Variants in CREB3 observed in about 807,000 individuals in gnomAD.
The protein encoded by CREB3 is cAMP responsive element binding protein 3.
A neutral mutation model predicts 34.5 loss-of-function variants in CREB3; 29 were observed. The ratio of observed to expected loss-of-function variants is 0.84; its 90% CI spans 0.63 to 1.15. The LOEUF is 1.15. Ranked by LOEUF, CREB3 falls within the 50% of genes most tolerant of loss-of-function variation. CREB3 has a pLI of 0.00. For missense variants in CREB3, 447 were observed against 443.4 expected (o/e 1.01, Z -0.07); for synonymous variants, 187 against 173.9 (o/e 1.08, Z -0.59).
chr9:35,734,176 G>C (rs1044323967), intron 4 of CREB3, among the ~76,000 whole-genome samples: 1 of 151,850 alleles, frequency 6.6e-6, no homozygotes, highest in Non-Finnish European at 1.5e-5. Flanking sequence ...ATGGGGTTTT[G>C]CCTTGTTGCC....
rs1294634881 is a variant in CREB3 at position 35,733,500 on chromosome 9, G to A, written c.435+15G>A. On this transcript the variant is annotated intron_variant, in intron 4 of 8. Coordinates refer to ENST00000353704, the MANE Select transcript of CREB3 (RefSeq NM_006368.5). ...CTCTCACTAAGGTAAGACTCTCATT[G>A]GTTGAACAAAGGCTGAAAAGGGATT... The A allele has an allele frequency of 1.3e-6, 2 of 1,590,294 alleles. No individual in the cohort carries two copies. Among genetic ancestry groups the A allele is most frequent in the African/African-American group, 2.7e-5 (2 of 74,390 alleles).
Position 35,736,785 on chromosome 9 carries a change from A to T in CREB3, c.*59A>T. The T allele has an allele frequency of 6.7e-7, 1 of 1,491,934 alleles. No homozygotes were observed. The highest frequency in any genetic ancestry group is 9.1e-7 in the Non-Finnish European group (1 of 1,104,248). 92.4% of individuals were successfully genotyped at this position (1,491,934 alleles called of 1,614,324 possible). On this transcript the variant is annotated 3_prime_UTR_variant, in exon 9 of 9. Transcript: ENST00000353704. ...CTGGGGGGCTCCCCATCTGTGTCCAAATAAAAAGCGGTGGGCAAGGGCTGG... is the reference window on the plus strand; with the variant it reads ...CTGGGGGGCTCCCCATCTGTGTCCATATAAAAAGCGGTGGGCAAGGGCTGG...
chr9:35,736,845 G>A lies in CREB3; in HGVS notation c.*119G>A. Reference sequence around the variant, plus strand: ...CTGTGCCCTGTCAGGACGACTGAGGGCTCAAACACACCACACTTAATGGCT... The same window carrying A: ...CTGTGCCCTGTCAGGACGACTGAGGACTCAAACACACCACACTTAATGGCT... On this transcript the variant is annotated 3_prime_UTR_variant, in exon 9 of 9. Coordinates refer to ENST00000353704, the MANE Select transcript of CREB3 (RefSeq NM_006368.5). 1.1e-6 allele frequency: 1 copy of A among 940,812 alleles called. No homozygotes were observed. Among genetic ancestry groups the A allele is most frequent in the Admixed American group, 2.4e-5 (1 of 42,218 alleles). 58.3% of individuals were successfully genotyped at this position (940,812 alleles called of 1,614,324 possible). A position where few individuals can be genotyped will look rare whatever the true frequency, so the allele number is the denominator to read the frequency against.
chr9:35,735,077 CTAA>C (rs1200881776), intron 4 of CREB3, 29 bp from the exon 5 acceptor site: 6 of 1,562,552 alleles, frequency 3.8e-6, no homozygotes, highest in Non-Finnish European at 5.2e-6. Flanking sequence ...TAGAGTTCCT[CTAA>C]TGATATCCCT....
chr9:35,736,675 G>T lies in CREB3; in HGVS notation c.1065G>T (p.Trp355Cys). The change falls in exon 9 of 9, where the codon TGG (tryptophan) becomes TGT (cysteine). Residue 355 changes from tryptophan to cysteine, a missense_variant. Physicochemically the swap from Trp to Cys is radical, Grantham distance 215 (BLOSUM62 -2). Transcript: ENST00000353704. ...LQANLTRKGG[W>C]LPTGSPSVIL... Reference sequence around the variant, plus strand: ...CAAATCTCACAAGGAAGGGAGGATGGCTTCCTACTGGTAGCCCCTCTGTCA... The same window carrying T: ...CAAATCTCACAAGGAAGGGAGGATGTCTTCCTACTGGTAGCCCCTCTGTCA... 1 of 1,612,422 alleles carries T rather than the reference G, an allele frequency of 6.2e-7. No homozygotes were observed.
At chr9:35,734,154 T>C (rs1826151346) in intron 4 of CREB3, among the ~76,000 whole-genome samples, 1 of 152,076 alleles carries the variant, frequency 6.6e-6, no homozygotes, top group African/African-American at 2.4e-5. Context: ...TTTTTTGGTA[T>C]TTTTAGTAGA....
Position 35,733,458 on chromosome 9 carries a change from T to G in CREB3, c.408T>G (p.Ile136Met). ...EKSLLEKEGLILPETLPLTKT... is the reference protein window; with the variant it reads ...EKSLLEKEGLMLPETLPLTKT... ...GTCTATTGGAGAAGGAGGGGCTTAT[T>G]CTGCCTGAGACACTTCCTCTCACTA... The change falls in exon 4 of 9, where the codon ATT becomes ATG. Residue 136 changes from isoleucine (I) to methionine (M), a missense_variant. Ile to Met is a conservative substitution (Grantham distance 10, BLOSUM62 1). Transcript: ENST00000353704. 6.2e-7 allele frequency: 1 copy of G among 1,613,478 alleles called. No individual in the cohort carries two copies.
chr9:35,735,864 G>A (rs1295805426), intron 6 of CREB3, among the ~76,000 whole-genome samples, 184 bp from the exon 7 acceptor site: 2 of 152,152 alleles, frequency 1.3e-5, no homozygotes, highest in African/African-American at 2.4e-5. Context: ...TGTTGTTGTT[G>A]TTGTTTTAAT....
In CREB3 at chr9:35,736,626, G is replaced by A. The variant is rs771918577; in HGVS notation, c.1016G>A (p.Arg339Gln). 18 of 1,613,706 alleles carry A rather than the reference G, an allele frequency of 1.1e-5. No homozygotes were observed. The highest frequency in any genetic ancestry group is 5.3e-5 in the African/African-American group (4 of 74,900). Residue 339 changes from arginine to glutamine, a missense_variant, in exon 9 of 9, where the codon CGA (arginine) becomes CAA (glutamine). Coordinates refer to ENST00000353704, the MANE Select transcript of CREB3 (RefSeq NM_006368.5). ...GACCTCTTCTCAGAGCCTCTCTGCCGAGGTCCCATCCTCCCCCTGCAGGCA... is the reference window on the plus strand; with the variant it reads ...GACCTCTTCTCAGAGCCTCTCTGCCAAGGTCCCATCCTCCCCCTGCAGGCA... ...FPDLFSEPLC[R>Q]GPILPLQANL...
intron 6 of CREB3, 100 bp from the exon 7 acceptor site, chr9:35,735,948 T>A (rs1187730073): frequency 1.2e-6 from 1 of 840,416 alleles, no homozygotes; most frequent in East Asian, 2.4e-5. Flanking sequence ...AGAGAGAGGA[T>A]CCAGTGCAGA....
chr9:35,734,911 T>A (rs1826170105), intron 4 of CREB3, among the ~76,000 whole-genome samples, 198 bp from the exon 5 acceptor site: 1 of 152,218 alleles, frequency 6.6e-6, no homozygotes, highest in African/African-American at 2.4e-5. Context: ...ACCAGTTTTT[T>A]TTTTAATAGT....
chr9:35,736,753 C>T lies in CREB3; in HGVS notation c.*27C>T. ...TATGAGGATATGTGGGGGGTCTCAG[C>T]AGGAGCCTGGGGGGCTCCCCATCTG... is the stretch of plus-strand genomic sequence containing the variant. On this transcript the variant is annotated 3_prime_UTR_variant, in exon 9 of 9. Transcript: ENST00000353704. The T allele has an allele frequency of 6.4e-7, 1 of 1,571,854 alleles. No homozygotes were observed. The highest frequency in any genetic ancestry group is 8.6e-7 in the Non-Finnish European group (1 of 1,159,580).
At position 35,736,767 on chromosome 9, in the gene CREB3, G is replaced by C; in HGVS notation, c.*41G>C. The C allele has an allele frequency of 6.5e-7, 1 of 1,540,120 alleles. No homozygotes were observed. The highest frequency in any genetic ancestry group is 1.2e-5 in the South Asian group (1 of 85,594). On this transcript the variant is annotated 3_prime_UTR_variant, in exon 9 of 9. Transcript: ENST00000353704. ...GGGGGTCTCAGCAGGAGCCTGGGGGGCTCCCCATCTGTGTCCAAATAAAAA... is the reference window on the plus strand; with the variant it reads ...GGGGGTCTCAGCAGGAGCCTGGGGGCCTCCCCATCTGTGTCCAAATAAAAA...
intron 4 of CREB3, 140 bp from the exon 5 acceptor site, chr9:35,734,969 T>G (rs949357445): frequency 1.5e-6 from 1 of 686,246 alleles, no homozygotes; most frequent in Non-Finnish European, 2.5e-6. Context: ...CGTGGAGGCA[T>G]TCAGAAAGAA....
At chr9:35,735,048 G>A in intron 4 of CREB3, 61 bp from the exon 5 acceptor site, 1 of 1,347,128 alleles carries the variant, frequency 7.4e-7, no homozygotes, top group South Asian at 1.3e-5. Flanking sequence ...GATCTCAGTT[G>A]CGTTTCAACT....
chr9:35,736,264 C>G lies in CREB3; in HGVS notation c.734C>G (p.Ala245Gly). The stretch of plus-strand genomic sequence containing the variant: ...TCCTTCTGCCTCCTCCTTGTACCTG[C>G]TATGTACTCCTCTGACACAAGGGGG... The part of the protein sequence containing the change: ...LVSFCLLLVP[A>G]MYSSDTRGSL... The change falls in exon 8 of 9, where the codon GCT (alanine) becomes GGT (glycine). Residue 245 changes from alanine (A) to glycine (G), a missense_variant. Ala to Gly is a moderately conservative substitution (Grantham distance 60). Transcript: ENST00000353704. 6.2e-7 allele frequency: 1 copy of G among 1,614,096 alleles called. No homozygotes were observed.
At position 35,735,248 on chromosome 9, in the gene CREB3, T is replaced by C. The variant is rs1826178063; in HGVS notation, c.542+33T>C. ...AGGGAGAGGGACTCTGTTGTAAGTA[T>C]TAGGTTTTTGAAGGGAGGATACAGG... is the stretch of plus-strand genomic sequence containing the variant. On this transcript the variant is annotated intron_variant, in intron 5 of 8. Transcript: ENST00000353704. 4.3e-6 allele frequency: 7 copies of C among 1,612,654 alleles called. No homozygotes were observed. In the East Asian group the frequency reaches 1.3e-4, roughly 31 times the overall value.
rs962421374 is a variant in CREB3, at chr9:35,736,844, G to A, written c.*118G>A. On this transcript the variant is annotated 3_prime_UTR_variant, in exon 9 of 9. Coordinates refer to ENST00000353704, the MANE Select transcript of CREB3 (RefSeq NM_006368.5). ...CCTGTGCCCTGTCAGGACGACTGAG[G>A]GCTCAAACACACCACACTTAATGGC... 1.2e-5 allele frequency: 11 copies of A among 952,154 alleles called. No individual in the cohort carries two copies. The highest frequency in any genetic ancestry group is 3.3e-4 in the Middle Eastern group (1 of 2,994). 59.0% of individuals were successfully genotyped at this position (952,154 alleles called of 1,614,324 possible). A position where few individuals can be genotyped will look rare whatever the true frequency, so the allele number is the denominator to read the frequency against.
chr9:35,733,786 T>G (rs566701463), intron 4 of CREB3, among the ~76,000 whole-genome samples: 32 of 152,286 alleles, frequency 2.1e-4, no homozygotes, highest in African/African-American at 7.5e-4. Flanking sequence ...GACACTTCGT[T>G]GGCTTCATAG....
Sources: allele counts gnomAD v4.1 joint callset (sites outside exome capture counted in the v4.1 genomes callset), GRCh38; gene constraint gnomAD v4.1.1; transcripts MANE v1.5; gene names NCBI Gene and HGNC (gene_info 2026-07-23, HGNC 2026-07-21).